PCDH15: variants seen among roughly 807,000 people sequenced by gnomAD.
PCDH15 encodes protocadherin-15.
PCDH15 carries 129 observed loss-of-function variants against 178.5 expected under a neutral mutation model. That is an observed-to-expected ratio of 0.72 (90% CI 0.63 to 0.84). The LOEUF (loss-of-function observed/expected upper bound fraction) is 0.84, where lower values mean the gene tolerates loss of function less well. Ranked by LOEUF, PCDH15 falls within the 40% of genes least tolerant of loss-of-function variation. The pLI is 0.00. For synonymous variants in PCDH15, 800 were observed against 732.0 expected (o/e 1.09, Z -1.50); for missense variants, 2,230 against 2,099.9 (o/e 1.06, Z -1.21).
chr10:54,130,947 A>G (rs978085217), intron 15 of PCDH15, among the ~76,000 whole-genome samples: 1 of 152,212 alleles, frequency 6.6e-6, no homozygotes, highest in Non-Finnish European at 1.5e-5. Flanking sequence ...TTAGTGGCCT[A>G]TGAAAAGTAC....
Position 54,870,316 on chromosome 10 carries a change from A to G in PCDH15, c.-29+27134T>C, listed in dbSNP as rs113209226. Among the ~76,000 whole-genome samples the G allele has an allele frequency of 5.0e-3, 760 of 152,304 alleles. 6 individuals carry two copies. The highest frequency in any genetic ancestry group is 0.017 in the African/African-American group (718 of 41,568). On this transcript the variant is annotated intron_variant, in intron 3 of 5. Coordinates refer to the PCDH15 transcript ENST00000458638. ...TGGGTGAGAAATCTGAGATTTTAAC[A>G]GGTCCCTCATGTAATGCTGTTGCAG... is the stretch of plus-strand genomic sequence containing the variant.
chr10:55,423,162 A>C (rs1282869103), intron 2 of PCDH15, among the ~76,000 whole-genome samples: 1 of 151,990 alleles, frequency 6.6e-6, no homozygotes, highest in Non-Finnish European at 1.5e-5. Context: ...TAAATTATTT[A>C]ATGATTAAAA....
intron 2 of PCDH15, among the ~76,000 whole-genome samples, chr10:55,026,741 T>C (rs1217220578): frequency 6.6e-6 from 1 of 151,952 alleles, no homozygotes. Context: ...GAAGTCAATA[T>C]CTGGAGGATA....
intron 2 of PCDH15, among the ~76,000 whole-genome samples, chr10:54,979,775 C>T (rs1839179585): frequency 2.7e-5 from 4 of 147,390 alleles, no homozygotes; most frequent in Admixed American, 2.7e-4. Context: ...TAAAAAAGAA[C>T]AAAATCTTTT....
chr10:54,373,939 A>G (rs1056539064), intron 4 of PCDH15, among the ~76,000 whole-genome samples: 6 of 152,088 alleles, frequency 3.9e-5, no homozygotes, highest in Admixed American at 6.6e-5. Context: ...GGATATGGTC[A>G]TGGGACAATA....
chr10:55,425,687 T>C (rs1838738486), intron 2 of PCDH15, among the ~76,000 whole-genome samples: 1 of 151,986 alleles, frequency 6.6e-6, no homozygotes. Context: ...AAAACAGTGT[T>C]ACTCATTAAA....
intron 2 of PCDH15, among the ~76,000 whole-genome samples, chr10:55,516,167 G>T (rs754047155): frequency 5.3e-5 from 8 of 151,942 alleles, no homozygotes; most frequent in Non-Finnish European, 1.0e-4. Context: ...GGAGGGACCC[G>T]GTGGGAGATA....
intron 2 of PCDH15, among the ~76,000 whole-genome samples, chr10:54,969,830 T>C (rs1385860775): frequency 6.6e-6 from 1 of 152,180 alleles, no homozygotes; most frequent in Non-Finnish European, 1.5e-5. Context: ...TTTAACTAAC[T>C]TCATTTCATT....
chr10:54,979,312 C>G lies in PCDH15; in HGVS notation c.-79-81812G>C, dbSNP rs532565084. Among the ~76,000 whole-genome samples, 10 of 152,238 alleles carry G rather than the reference C, an allele frequency of 6.6e-5. No homozygotes were observed. The South Asian group carries it at 2.1e-3, about 32-fold the overall frequency. On this transcript the variant is annotated intron_variant, in intron 2 of 5. Coordinates refer to the PCDH15 transcript ENST00000458638. ...TTGACTTCAAATTATTTGAATAGTT[C>G]TCTTGTGAAAAGAAGCTGGACTTGT... is the stretch of plus-strand genomic sequence containing the variant.
At chr10:54,006,730 A>G (rs763730456) in intron 20 of PCDH15, among the ~76,000 whole-genome samples, 2 of 152,082 alleles carry the variant, frequency 1.3e-5, no homozygotes, top group Non-Finnish European at 2.9e-5. Context: ...GGGTAGCAAT[A>G]TTTCTTTCTG....
At chr10:54,446,619 G>A (rs2076155250) in intron 3 of PCDH15, among the ~76,000 whole-genome samples, 1 of 151,436 alleles carries the variant, frequency 6.6e-6, no homozygotes, top group Admixed American at 6.6e-5. Flanking sequence ...TGTACCACAT[G>A]ATGTCTTAAA....
At chr10:54,391,605 T>G (rs1950555860) in intron 3 of PCDH15, among the ~76,000 whole-genome samples, 1 of 150,130 alleles carries the variant, frequency 6.7e-6, no homozygotes, top group African/African-American at 2.5e-5. Context: ...AAAAACAACA[T>G]AATCTAATGG....
chr10:54,332,296 ACATATTAT>A (rs1939858382), intron 6 of PCDH15, among the ~76,000 whole-genome samples: 4 of 79,332 alleles, frequency 5.0e-5, no homozygotes, highest in Admixed American at 1.6e-4. Context: ...AATCTATATT[ACATATTAT>A]TATATATAAT....
At chr10:54,181,340 C>T (rs186393253) in intron 13 of PCDH15, among the ~76,000 whole-genome samples, 1 of 152,192 alleles carries the variant, frequency 6.6e-6, no homozygotes, top group Non-Finnish European at 1.5e-5. Context: ...TTTCTTTCAT[C>T]TTCAAATAAG....
At chr10:53,844,485 C>G (rs987450942) in intron 28 of PCDH15, among the ~76,000 whole-genome samples, 1 of 151,672 alleles carries the variant, frequency 6.6e-6, no homozygotes, top group Non-Finnish European at 1.5e-5. Context: ...AATCAAGAAA[C>G]AGAAAATTTG....
chr10:54,489,691 T>C (rs2079408833), intron 3 of PCDH15, among the ~76,000 whole-genome samples: 1 of 152,150 alleles, frequency 6.6e-6, no homozygotes, highest in Non-Finnish European at 1.5e-5. Flanking sequence ...TAAATATCCT[T>C]ATACTTATTT....
intron 3 of PCDH15, among the ~76,000 whole-genome samples, chr10:54,481,407 A>ATG (rs137969568): frequency 0.011 from 1,698 of 151,336 alleles, 28 homozygotes; most frequent in African/African-American, 0.039. Flanking sequence ...TGATAAATAT[A>ATG]TGTGTGTGTG....
intron 3 of PCDH15, among the ~76,000 whole-genome samples, chr10:54,454,983 T>G (rs1018955084): frequency 1.3e-5 from 2 of 152,264 alleles, no homozygotes; most frequent in Middle Eastern, 3.4e-3. Flanking sequence ...GCGATTACTC[T>G]CATGCTGTTC....
intron 1 of PCDH15, among the ~76,000 whole-genome samples, chr10:54,670,571 G>GA (rs934504559): frequency 6.6e-6 from 1 of 151,932 alleles, no homozygotes; most frequent in Non-Finnish European, 1.5e-5. Flanking sequence ...TGTCTTCATG[G>GA]AAAAAAACTA....
Sources: gnomAD v4.1 joint callset for allele counts (sites outside exome capture counted in the v4.1 genomes callset) on GRCh38, gnomAD v4.1.1 for gene constraint, MANE v1.5 for transcripts, NCBI Gene and HGNC (gene_info 2026-07-23, HGNC 2026-07-21) for gene names.